The following ADRA1B variants were observed in gnomAD, a reference collection of about 807,000 sequenced individuals.
The protein encoded by ADRA1B is adrenoceptor alpha 1B.
Under a neutral mutation model 17.9 loss-of-function variants are expected in ADRA1B, and 17 were observed. The ratio of observed to expected loss-of-function variants is 0.95; its 90% CI spans 0.65 to 1.42. ADRA1B has a LOEUF of 1.42. ADRA1B is among the 40% of genes most tolerant of loss of function. ADRA1B has a pLI of 0.00. For synonymous variants in ADRA1B, 366 were observed against 327.6 expected, an observed-to-expected ratio of 1.12 and a Z score of -1.27; for missense variants, 681 against 722.1, an observed-to-expected ratio of 0.94 and a Z score of 0.65.
chr5:159,922,782 A>G (rs535475544), intron 1 of ADRA1B, among the ~76,000 whole-genome samples: 1 of 152,372 alleles, frequency 6.6e-6, no homozygotes, highest in South Asian at 2.1e-4. Flanking sequence ...TTCAGTGGGT[A>G]CTGTGTCCAG....
chr5:159,914,593 C>A (rs2113139297), upstream of ADRA1B, among the ~76,000 whole-genome samples: 2 of 152,286 alleles, frequency 1.3e-5, no homozygotes, highest in East Asian at 3.9e-4. Flanking sequence ...GAGGGAAACC[C>A]CCTGAAATTG....
chr5:159,870,680 T>C (rs1038831604), intron 1 of ADRA1B: 2 of 152,196 alleles, frequency 1.3e-5, no homozygotes, highest in Non-Finnish European at 2.9e-5. Context: ...AAAAGTGGCA[T>C]GTTAAAGTAT....
At chr5:159,927,245 G>T (rs149367065) in intron 1 of ADRA1B, among the ~76,000 whole-genome samples, 4 of 152,218 alleles carry the variant, frequency 2.6e-5, no homozygotes, top group Non-Finnish European at 5.9e-5. Flanking sequence ...CCTCTGAGAG[G>T]GATATGGTCA....
intron 1 of ADRA1B, among the ~76,000 whole-genome samples, chr5:159,935,896 C>T (rs1409464796): frequency 6.6e-6 from 1 of 152,156 alleles, no homozygotes; most frequent in East Asian, 1.9e-4. Flanking sequence ...AAATAGTGGT[C>T]GAGACTGAGG....
intron 1 of ADRA1B, 113 bp downstream of exon 1, chr5:159,917,967 T>G: frequency 1.1e-6 from 1 of 946,700 alleles, no homozygotes. Flanking sequence ...CTGTGCGTGT[T>G]CGGAGATTGA....
At position 159,917,770 on chromosome 5, in the gene ADRA1B, G is replaced by A; in HGVS notation, c.865G>A (p.Glu289Lys). The change falls in exon 1 of 2, where the codon GAA (glutamate) becomes AAA (lysine). Residue 289 changes from glutamate to lysine, a missense_variant. Around this residue, in one of 3 missense-constraint regions of ADRA1B, gnomAD observed 424 missense variants for 480.2 expected, o/e 0.88. Transcript: ENST00000306675. ...IAVKLFKFSR[E>K]KKAAKTLGIV... The stretch of plus-strand genomic sequence containing the variant: ...TGTCAAACTTTTTAAGTTCTCCAGG[G>A]AAAAGAAAGCAGCTAAGACGTTGGG... The A allele has an allele frequency of 6.2e-7, 1 of 1,614,098 alleles. No individual in the cohort carries two copies. The highest frequency in any genetic ancestry group is 8.5e-7 in the Non-Finnish European group (1 of 1,180,038).
intron 1 of ADRA1B, among the ~76,000 whole-genome samples, chr5:159,902,458 G>A (rs1754112181): frequency 6.6e-6 from 1 of 151,916 alleles, no homozygotes; most frequent in Non-Finnish European, 1.5e-5. Flanking sequence ...ACTGTTAAAG[G>A]GGTAAATAGA....
At chr5:159,872,130 C>T (rs747199073) in intron 1 of ADRA1B, among the ~76,000 whole-genome samples, 1 of 152,090 alleles carries the variant, frequency 6.6e-6, no homozygotes, top group African/African-American at 2.4e-5. Context: ...TTAAAATACT[C>T]TCATGATTAA....
intron 1 of ADRA1B, among the ~76,000 whole-genome samples, chr5:159,889,934 A>G (rs562251937): frequency 7.2e-5 from 11 of 152,348 alleles, no homozygotes; most frequent in African/African-American, 2.6e-4. Context: ...AAAGGCTTTA[A>G]GGAACTTCAT....
At chr5:159,977,337 G>T (rs999398283), downstream of ADRA1B, among the ~76,000 whole-genome samples, 2 of 152,156 alleles carry the variant, frequency 1.3e-5, no homozygotes, top group Non-Finnish European at 2.9e-5. Context: ...CAAGACCCAG[G>T]CTCAGGGAAC....
chr5:159,958,602 A>T (rs1755609331), intron 1 of ADRA1B, among the ~76,000 whole-genome samples: 3 of 152,250 alleles, frequency 2.0e-5, no homozygotes. Context: ...TTCTTCCATA[A>T]ATTTGGTTTT....
At chr5:159,882,074 C>T (rs1428442735) in intron 1 of ADRA1B, among the ~76,000 whole-genome samples, 2 of 152,178 alleles carry the variant, frequency 1.3e-5, no homozygotes, top group African/African-American at 4.8e-5. Flanking sequence ...TGCTCATTTT[C>T]TTCCTCCCTG....
At chr5:159,955,043 G>A (rs1022278415) in intron 1 of ADRA1B, 7 of 630,298 alleles carry the variant, frequency 1.1e-5, no homozygotes, top group Non-Finnish European at 1.4e-5. Flanking sequence ...CCTGGAGAAT[G>A]GCATGCATTC....
At chr5:159,922,305 A>G (rs1205789347) in intron 1 of ADRA1B, among the ~76,000 whole-genome samples, 6 of 152,236 alleles carry the variant, frequency 3.9e-5, no homozygotes, top group Admixed American at 3.9e-4. Context: ...ACTGAAGCTC[A>G]GAGAGGTAAA....
rs762868097 is a variant in ADRA1B, at chr5:159,917,196, C to T, written c.291C>T (p.Thr97=). ...TGGCCGACCTGCTGTTGAGCTTCAC[C>T]GTCCTGCCCTTCTCAGCGGCCCTAG... ...LAMADLLLSF[T]VLPFSAALEV... The change falls in exon 1 of 2, where the codon ACC becomes ACT. Residue 97 remains threonine, a synonymous_variant. Coordinates refer to ENST00000306675, the MANE Select transcript of ADRA1B (RefSeq NM_000679.4). 2 of 1,614,058 alleles carry T rather than the reference C, an allele frequency of 1.2e-6. No homozygotes were observed. The highest frequency in any genetic ancestry group is 1.7e-6 in the Non-Finnish European group (2 of 1,180,048).
downstream of ADRA1B, among the ~76,000 whole-genome samples, chr5:159,976,857 C>A (rs1379862392): frequency 6.6e-6 from 1 of 152,006 alleles, no homozygotes; most frequent in Admixed American, 6.6e-5. Flanking sequence ...GGACAGTGGC[C>A]CTGAGCATGC....
chr5:159,895,058 G>A (rs1179502550), intron 1 of ADRA1B, among the ~76,000 whole-genome samples: 1 of 152,198 alleles, frequency 6.6e-6, no homozygotes, highest in Non-Finnish European at 1.5e-5. Context: ...TGATATCTTT[G>A]TAATACACAG....
chr5:159,939,404 A>G (rs1443207278), intron 1 of ADRA1B, among the ~76,000 whole-genome samples: 6 of 152,028 alleles, frequency 3.9e-5, no homozygotes, highest in Non-Finnish European at 8.8e-5. Context: ...GTCTTTGCAA[A>G]GATCTTCCTA....
At chr5:159,879,209 G>A (rs1197887468) in intron 1 of ADRA1B, among the ~76,000 whole-genome samples, 3 of 152,162 alleles carry the variant, frequency 2.0e-5, no homozygotes, top group Non-Finnish European at 4.4e-5. Context: ...GGGTTGGGAG[G>A]ATTTGCTCGG....
Sources: gnomAD v4.1 joint callset for allele counts (sites outside exome capture counted in the v4.1 genomes callset) on GRCh38, gnomAD v4.1.1 for gene constraint, gnomAD v4.1.1 regional missense constraint, MANE v1.5 for transcripts, NCBI Gene and HGNC (gene_info 2026-07-23, HGNC 2026-07-21) for gene names.